Variants in UGT2A1 observed in about 807,000 individuals in gnomAD.
UGT2A1 encodes UDP-glucuronosyltransferase 2A1.
Under a neutral mutation model 45.4 loss-of-function variants are expected in UGT2A1, and 61 were observed. The observed-to-expected ratio is 1.34, with a 90% CI of 1.09 to 1.66. The LOEUF is 1.66. Among genes scored for constraint, UGT2A1 ranks in the 40% most tolerant of loss-of-function variants. The pLI is 0.00. For synonymous variants in UGT2A1, 229 were observed against 196.2 expected (o/e 1.17, Z -1.40); for missense variants, 649 against 574.3 (o/e 1.13, Z -1.33).
At chr4:69,639,541 T>C in intron 2 of UGT2A1, 1 of 1,613,204 alleles carries the variant, frequency 6.2e-7, no homozygotes, top group Admixed American at 1.7e-5. Flanking sequence ...GTAGGCCAAA[T>C]TAACACATTC....
At position 69,593,434 on chromosome 4, in the gene UGT2A1, T is replaced by C. The variant is rs148065603; in HGVS notation, c.1304+1043A>G. 4.0e-3 allele frequency among the ~76,000 whole-genome samples: 613 copies of C among 151,776 alleles called. 8 individuals are homozygous for C. The highest frequency in any genetic ancestry group is 0.012 in the African/African-American group (506 of 41,488). On this transcript the variant is annotated intron_variant, in intron 6 of 6. Transcript: ENST00000286604. ...TATAAGTAGCTAAAATTAAAACACA[T>C]CATCAAAAATAAAGACTCAAAATTA...
chr4:69,639,339 A>G lies in UGT2A1; in HGVS notation c.716-3517T>C, dbSNP rs868108823. 11 of 1,613,710 alleles carry G rather than the reference A, an allele frequency of 6.8e-6. No homozygotes were observed. In the Middle Eastern group the frequency reaches 6.6e-4, roughly 97 times the overall value. On this transcript the variant is annotated intron_variant, in intron 2 of 6. Coordinates refer to ENST00000286604, the MANE Select transcript of UGT2A1 (RefSeq NM_001252275.3). The stretch of plus-strand genomic sequence containing the variant: ...AGTTGGTCTATGGTCAATCCACAGC[A>G]TTATCATATGCTCAATTAAGGAATC...
chr4:69,652,378 G>A (rs1722569253), intron 1 of UGT2A1, among the ~76,000 whole-genome samples: 1 of 145,344 alleles, frequency 6.9e-6, no homozygotes, highest in African/African-American at 2.6e-5. Context: ...CCATTTCCCG[G>A]GTTCAAGCTA....
chr4:69,595,844 T>A (rs1278291080), intron 4 of UGT2A1, among the ~76,000 whole-genome samples: 3 of 152,182 alleles, frequency 2.0e-5, no homozygotes. Flanking sequence ...ACCTAGACAT[T>A]CGAATTATAT....
intron 6 of UGT2A1, among the ~76,000 whole-genome samples, chr4:69,591,025 G>C (rs899612366): frequency 2.0e-5 from 3 of 152,090 alleles, no homozygotes; most frequent in African/African-American, 4.8e-5. Context: ...GTGGTATTTG[G>C]TTTAGGGTTA....
At chr4:69,638,823 G>A in intron 2 of UGT2A1, 1 of 1,444,806 alleles carries the variant, frequency 6.9e-7, no homozygotes, top group East Asian at 2.5e-5. Flanking sequence ...GCAGTGGAAT[G>A]GAAATCGTTT....
At chr4:69,636,800 T>C (rs986009317) in intron 2 of UGT2A1, among the ~76,000 whole-genome samples, 1 of 152,142 alleles carries the variant, frequency 6.6e-6, no homozygotes, top group African/African-American at 2.4e-5. Context: ...AATAGCCACA[T>C]ATGATATCAT....
At chr4:69,618,207 G>GTGTATGTTTT (rs1553905696) in intron 3 of UGT2A1, among the ~76,000 whole-genome samples, 3 of 72,718 alleles carry the variant, frequency 4.1e-5, no homozygotes, top group African/African-American at 1.2e-4. Flanking sequence ...GTGTGTGTGT[G>GTGTATGTTTT]TGTGTGTGTA....
At chr4:69,631,228 A>T (rs1234517412) in intron 3 of UGT2A1, among the ~76,000 whole-genome samples, 1 of 152,148 alleles carries the variant, frequency 6.6e-6, no homozygotes, top group African/African-American at 2.4e-5. Flanking sequence ...TTTTAGTGAA[A>T]TTAGTTAAGT....
intron 3 of UGT2A1, among the ~76,000 whole-genome samples, chr4:69,622,331 CA>C: frequency 6.6e-6 from 1 of 151,522 alleles, no homozygotes; most frequent in East Asian, 1.9e-4. Context: ...AGTTAGAGAT[CA>C]AAACATATTT....
At chr4:69,606,029 T>C (rs1485556031) in intron 3 of UGT2A1, among the ~76,000 whole-genome samples, 1 of 136,750 alleles carries the variant, frequency 7.3e-6, no homozygotes, top group African/African-American at 3.0e-5. Flanking sequence ...TCTGAAACTA[T>C]TCCAAGCAAT....
intron 3 of UGT2A1, among the ~76,000 whole-genome samples, chr4:69,629,282 G>A (rs1451527496): frequency 2.0e-5 from 3 of 152,132 alleles, no homozygotes; most frequent in Non-Finnish European, 4.4e-5. Flanking sequence ...TTCAGGAGGT[G>A]TACTGCAAAG....
In UGT2A1 at chr4:69,595,235, G is replaced by C. The variant is rs76000453; in HGVS notation, c.1011C>G (p.Tyr337Ter). The change falls in exon 5 of 7, where the codon TAC becomes TAG. Residue 337 changes from tyrosine (Y) to a stop codon, truncating the protein, a stop_gained. Coordinates refer to ENST00000286604, the MANE Select transcript of UGT2A1 (RefSeq NM_001252275.3). LOFTEE classifies it high-confidence loss of function. ...CTAATGTGGCTGGTTTCTTTCCTTT[G>C]TATCTCCATAAAACCTGTGGAAAAT... is the stretch of plus-strand genomic sequence containing the variant. Reference protein sequence around the residue: ...AKPLPKVLWRYKGKKPATLGN... With the variant: ...AKPLPKVLWR The C allele has an allele frequency of 3.7e-6, 6 of 1,613,588 alleles. No homozygotes were observed. Among genetic ancestry groups the C allele is most frequent in the Non-Finnish European group, 5.1e-6 (6 of 1,179,804 alleles).
At chr4:69,634,194 G>C (rs1031107893) in intron 3 of UGT2A1, among the ~76,000 whole-genome samples, 1 of 151,992 alleles carries the variant, frequency 6.6e-6, no homozygotes, top group Non-Finnish European at 1.5e-5. Context: ...GCAGTGAGCC[G>C]AGATCGCGCC....
chr4:69,629,472 A>G (rs756942070), intron 3 of UGT2A1, among the ~76,000 whole-genome samples: 6 of 152,032 alleles, frequency 3.9e-5, no homozygotes, highest in Non-Finnish European at 5.9e-5. Context: ...GTTTGACTAG[A>G]TAGTTTATGT....
At position 69,589,462 on chromosome 4, in the gene UGT2A1, A is replaced by G; in HGVS notation, c.1494T>C (p.Cys498=). ...TGACCAAAAATATAGCCGTTGTCAC[A>G]CAGACCAGCAAGAACCCAATTACAT... The part of the protein sequence containing the change: ...SLDVIGFLLV[C]VTTAIFLVIQ... Residue 498 remains cysteine, a synonymous_variant, in exon 7 of 7, where the codon TGT becomes TGC. Coordinates refer to ENST00000286604, the MANE Select transcript of UGT2A1 (RefSeq NM_001252275.3). 6.2e-7 allele frequency: 1 copy of G among 1,614,184 alleles called. No homozygotes were observed.
chr4:69,649,597 G>A (rs567004617), intron 1 of UGT2A1, among the ~76,000 whole-genome samples: 1 of 151,996 alleles, frequency 6.6e-6, no homozygotes, highest in Non-Finnish European at 1.5e-5. Flanking sequence ...TTAACAAAAG[G>A]GCAGCCTGAA....
rs534703679 is a variant in UGT2A1 at position 69,650,063 on chromosome 4, A to G, written c.-54-2365T>C. Among the ~76,000 whole-genome samples the G allele has an allele frequency of 2.0e-5, 3 of 152,224 alleles. No individual in the cohort carries two copies. In the East Asian group the frequency reaches 5.8e-4, roughly 29 times the overall value. ...CTTTGTATTCAACTGAGAAATGGCA[A>G]TCCTCTTGGGCCCCCTCTCTGCTGT... is the stretch of plus-strand genomic sequence containing the variant. On this transcript the variant is annotated intron_variant, in intron 1 of 6. Transcript: ENST00000286604.
chr4:69,605,530 A>G (rs1298976979), intron 3 of UGT2A1, among the ~76,000 whole-genome samples: 1 of 136,296 alleles, frequency 7.3e-6, no homozygotes, highest in Admixed American at 7.2e-5. Flanking sequence ...GCAAGAGCAT[A>G]ACACATTCAA....
Sources: allele counts gnomAD v4.1 joint callset (sites outside exome capture counted in the v4.1 genomes callset), GRCh38; gene constraint gnomAD v4.1.1; transcripts MANE v1.5; gene names NCBI Gene and HGNC (gene_info 2026-07-23, HGNC 2026-07-21).